MCM10: variants seen among roughly 807,000 people sequenced by gnomAD.
The protein encoded by MCM10 is minichromosome maintenance 10 replication initiation factor, also known as protein MCM10 homolog.
MCM10 carries 91 observed loss-of-function variants against 109.9 expected under a neutral mutation model. That is an observed-to-expected ratio of 0.83 (90% CI 0.70 to 0.99). The LOEUF is 0.99. Among genes scored for constraint, MCM10 ranks in the 50% least tolerant of loss-of-function variants. The pLI is 0.00. For synonymous variants in MCM10, 380 were observed against 387.2 expected (o/e 0.98, Z 0.22); for missense variants, 1,077 against 1,061.2 (o/e 1.01, Z -0.21).
At position 13,164,172 on chromosome 10, in the gene MCM10, A is replaced by G; in HGVS notation, c.-31A>G. ...ATCTGGGCATCTGAGCCTCCTTCGA[A>G]GTTTCCTGTCACAACTGTCCTCTTG... On this transcript the variant is annotated 5_prime_UTR_variant, in exon 2 of 20. Transcript: ENST00000378714. The G allele has an allele frequency of 1.3e-6, 2 of 1,576,318 alleles. No individual in the cohort carries two copies. The highest frequency in any genetic ancestry group is 1.7e-6 in the Non-Finnish European group (2 of 1,168,034).
chr10:13,208,535 G>A (rs1834613892), intron 18 of MCM10, among the ~76,000 whole-genome samples: 1 of 144,092 alleles, frequency 6.9e-6, no homozygotes, highest in African/African-American at 2.6e-5. Context: ...TTTGAGGCCA[G>A]CGTGGGCAAC....
chr10:13,196,161 C>T (rs756658450), intron 14 of MCM10, among the ~76,000 whole-genome samples: 22 of 152,170 alleles, frequency 1.4e-4, no homozygotes, highest in Admixed American at 1.1e-3. Context: ...CCACCTCAGC[C>T]TCCCAAAGTG....
chr10:13,201,631 C>G (rs1834501113), intron 17 of MCM10, 97 bp downstream of exon 17: 1 of 871,066 alleles, frequency 1.1e-6, no homozygotes, highest in African/African-American at 1.7e-5. Context: ...GGGGCCCTAT[C>G]TCGTGATGTG....
chr10:13,162,543 T>C (rs1833940909), intron 1 of MCM10, among the ~76,000 whole-genome samples: 1 of 152,056 alleles, frequency 6.6e-6, no homozygotes, highest in East Asian at 1.9e-4. Context: ...GGCAGTGAAG[T>C]TGGAGAGAAG....
chr10:13,166,305 G>A (rs1196551521), intron 2 of MCM10, among the ~76,000 whole-genome samples: 1 of 152,084 alleles, frequency 6.6e-6, no homozygotes, highest in East Asian at 1.9e-4. Context: ...GGGAGTGAAG[G>A]ATGAGGAAGT....
chr10:13,171,712 C>T (rs1162807371), intron 3 of MCM10, among the ~76,000 whole-genome samples: 1 of 151,996 alleles, frequency 6.6e-6, no homozygotes, highest in Non-Finnish European at 1.5e-5. Context: ...TCTTCTAATA[C>T]AGAAGCCAGC....
At chr10:13,209,018 C>T (rs1315271624) in intron 18 of MCM10, 73 bp from the exon 19 acceptor site, 1 of 1,028,962 alleles carries the variant, frequency 9.7e-7, no homozygotes, top group Non-Finnish European at 1.5e-6. Flanking sequence ...TCCCCAGGTG[C>T]AGTGAGCACC....
chr10:13,205,434 A>G (rs1157139776), intron 18 of MCM10, among the ~76,000 whole-genome samples: 1 of 152,008 alleles, frequency 6.6e-6, no homozygotes, highest in Admixed American at 6.6e-5. Context: ...TCATCTCTTG[A>G]TGGGCATTTA....
rs1225700543 is a variant in MCM10, at chr10:13,172,687, T to A, written c.514T>A (p.Cys172Ser). Residue 172 changes from cysteine (C) to serine (S), a missense_variant, in exon 5 of 20, where the codon TGC becomes AGC. Cys to Ser is a moderately radical substitution (Grantham distance 112). Coordinates refer to ENST00000378714, the MANE Select transcript of MCM10 (RefSeq NM_018518.5). This position sits in a 1 kb window ranked among gnomAD's most constrained non-coding sequence, Gnocchi z 5.2. ...AGTTCAGAGAATTCAGGAGTCAACA[T>A]GCTTTTCTGCGGAGCTTGATGTCCC... Reference protein sequence around the residue: ...RRVQRIQESTCFSAELDVPAL... With the variant: ...RRVQRIQESTSFSAELDVPAL... The A allele has an allele frequency of 6.2e-7, 1 of 1,614,196 alleles. No individual in the cohort carries two copies. The highest frequency in any genetic ancestry group is 1.1e-5 in the South Asian group (1 of 91,076).
intron 2 of MCM10, among the ~76,000 whole-genome samples, chr10:13,165,363 A>C (rs1833982612): frequency 6.6e-6 from 1 of 152,238 alleles, no homozygotes. Context: ...ATAAACCCTC[A>C]GATAAGGGGT....
chr10:13,205,872 G>A (rs915346650), intron 18 of MCM10, among the ~76,000 whole-genome samples: 2 of 152,134 alleles, frequency 1.3e-5, no homozygotes, highest in Admixed American at 6.6e-5. Context: ...CATCAGATAC[G>A]GAGGCAGAGC....
chr10:13,170,529 T>C (rs922520028), intron 2 of MCM10, among the ~76,000 whole-genome samples: 1 of 152,178 alleles, frequency 6.6e-6, no homozygotes, highest in Non-Finnish European at 1.5e-5. Flanking sequence ...CTTGAGGACA[T>C]TTGGCCCCGT....
At chr10:13,166,314 G>A (rs920201193) in intron 2 of MCM10, among the ~76,000 whole-genome samples, 1 of 152,056 alleles carries the variant, frequency 6.6e-6, no homozygotes, top group African/African-American at 2.4e-5. Context: ...GGATGAGGAA[G>A]TCTGATTACA....
At position 13,190,421 on chromosome 10, in the gene MCM10, C is replaced by T. The variant is rs143760406; in HGVS notation, c.1416-878C>T. On this transcript the variant is annotated intron_variant, in intron 10 of 19. Transcript: ENST00000378714. ...GTTCTAGGCCAGGCACAGTGGCTTA[C>T]ACCTGTAATCCCAGCACTTCGGGAG... Among the ~76,000 whole-genome samples, 257 of 152,304 alleles carry T rather than the reference C, an allele frequency of 1.7e-3. 1 individual carries two copies. The highest frequency in any genetic ancestry group is 5.7e-3 in the African/African-American group (237 of 41,558).
intron 9 of MCM10, 80 bp downstream of exon 9, chr10:13,186,360 T>C (rs1834274769): frequency 3.2e-6 from 3 of 935,774 alleles, no homozygotes; most frequent in Non-Finnish European, 3.4e-6. Flanking sequence ...TTAGCTGTGA[T>C]GACCAGTTTG....
chr10:13,183,727 C>T (rs1834238637), intron 8 of MCM10, among the ~76,000 whole-genome samples: 3 of 151,810 alleles, frequency 2.0e-5, no homozygotes, highest in Admixed American at 6.6e-5. Context: ...CTCTGTTGCC[C>T]GGGCTGGAGT....
At chr10:13,209,007 C>T in intron 18 of MCM10, 84 bp from the exon 19 acceptor site, 1 of 927,644 alleles carries the variant, frequency 1.1e-6, no homozygotes, top group Non-Finnish European at 1.8e-6. Flanking sequence ...GGGGCCTACT[C>T]TCCCCAGGTG....
intron 2 of MCM10, among the ~76,000 whole-genome samples, chr10:13,167,385 G>C (rs1464304120): frequency 6.6e-6 from 1 of 152,162 alleles, no homozygotes; most frequent in Non-Finnish European, 1.5e-5. Context: ...TGAGCGGGCT[G>C]AAAGGATGGG....
At position 13,172,376 on chromosome 10, in the gene MCM10, A is replaced by T; in HGVS notation, c.350A>T (p.Glu117Val). The change falls in exon 4 of 20, where the codon GAG becomes GTG. Residue 117 changes from glutamate (E) to valine (V), a missense_variant and splice_region_variant. Glu to Val is a moderately radical substitution (Grantham distance 121). Transcript: ENST00000378714. The surrounding 1 kb of genome is among the most constrained non-coding windows in gnomAD (Gnocchi z 5.2). ...AAATTAACATATTTTCATTTCCTAGAGGAATTAAGGAATTTGCAAGAGCAA... is the reference window on the plus strand; with the variant it reads ...AAATTAACATATTTTCATTTCCTAGTGGAATTAAGGAATTTGCAAGAGCAA... ...RREKTNEELQEELRNLQEQMK... is the reference protein window; with the variant it reads ...RREKTNEELQVELRNLQEQMK... 2 of 1,605,252 alleles carry T rather than the reference A, an allele frequency of 1.2e-6. No homozygotes were observed. The highest frequency in any genetic ancestry group is 1.7e-5 in the Admixed American group (1 of 59,214).
Sources: allele counts gnomAD v4.1 joint callset (sites outside exome capture counted in the v4.1 genomes callset), GRCh38; gene constraint gnomAD v4.1.1; non-coding constraint Gnocchi (gnomAD v3.1); transcripts MANE v1.5; gene names NCBI Gene and HGNC (gene_info 2026-07-23, HGNC 2026-07-21).